Variants in GRM4 observed in about 807,000 individuals in gnomAD.
The protein encoded by GRM4 is glutamate metabotropic receptor 4.
A neutral mutation model predicts 81.7 loss-of-function variants in GRM4; 28 were observed. The observed-to-expected ratio is 0.34, with a 90% CI of 0.25 to 0.47. The LOEUF (loss-of-function observed/expected upper bound fraction) is 0.47, where lower values mean the gene tolerates loss of function less well. Ranked by LOEUF, GRM4 falls within the 20% of genes least tolerant of loss-of-function variation. The pLI is 1.00. For missense variants in GRM4, 948 were observed against 1,290.0 expected (o/e 0.73, Z 4.06); for synonymous variants, 488 against 528.8 (o/e 0.92, Z 1.06).
At chr6:34,041,638 T>C (rs1344199113) in intron 6 of GRM4, among the ~76,000 whole-genome samples, 1 of 152,086 alleles carries the variant, frequency 6.6e-6, no homozygotes, top group East Asian at 1.9e-4. Flanking sequence ...TGAGATAAGG[T>C]ACCGAAAACA....
rs1489411818 is a variant in GRM4, at chr6:34,069,184, ACACACACACACACACACACACG to A, written c.737-7178_737-7157del. Among the ~76,000 whole-genome samples, 46 of 144,568 alleles carry A rather than the reference ACACACACACACACACACACACG, an allele frequency of 3.2e-4. 1 individual carries two copies. Among genetic ancestry groups the A allele is most frequent in the African/African-American group, 1.2e-3 (44 of 36,570 alleles). 94.8% of individuals were successfully genotyped at this position (144,568 alleles called of 152,430 possible). On this transcript the variant is annotated intron_variant, in intron 3 of 10. Transcript: ENST00000538487. The surrounding 1 kb of genome is among the most constrained non-coding windows in gnomAD (Gnocchi z 6.4). Reference sequence around the variant, plus strand: ...TGGGCGTATACACACACACACACACACACACACACACACACACACACGCACGCACACACGGCTCCTTCCTTCT... The same window carrying A: ...TGGGCGTATACACACACACACACACACACGCACACACGGCTCCTTCCTTCT...
chr6:34,038,633 C>G (rs1764834175), intron 8 of GRM4, among the ~76,000 whole-genome samples: 1 of 151,984 alleles, frequency 6.6e-6, no homozygotes, highest in South Asian at 2.1e-4. Context: ...CTGAGCCACT[C>G]ACGGAGAAAG....
chr6:34,087,708 C>CCA (rs1554127495), intron 3 of GRM4, among the ~76,000 whole-genome samples: 3,091 of 137,814 alleles, frequency 0.022, 66 homozygotes, highest in East Asian at 0.029. Flanking sequence ...AACCCCCCCC[C>CCA]CACACACACA....
chr6:34,147,007 G>A (rs1164680224), upstream of GRM4, among the ~76,000 whole-genome samples: 2 of 152,104 alleles, frequency 1.3e-5, no homozygotes, highest in Admixed American at 6.5e-5. Flanking sequence ...ATCTCGTTCA[G>A]CATCATTTGG....
chr6:34,066,155 C>T (rs1310385027), intron 3 of GRM4, among the ~76,000 whole-genome samples: 3 of 152,156 alleles, frequency 2.0e-5, no homozygotes, highest in Non-Finnish European at 1.5e-5. Context: ...TAAAGCTGAA[C>T]GTGCCGGCTG....
chr6:34,110,937 C>A, intron 2 of GRM4: 1 of 989,418 alleles, frequency 1.0e-6, no homozygotes, highest in Non-Finnish European at 1.3e-6. Flanking sequence ...GGAACAGCCT[C>A]TCTCCAGGGG....
chr6:34,149,141 C>A (rs6900891), upstream of GRM4, among the ~76,000 whole-genome samples: 759 of 149,442 alleles, frequency 5.1e-3, 6 homozygotes, highest in African/African-American at 0.017. Flanking sequence ...CAACTCCCCC[C>A]CAACCTTTTG....
rs552159824 is a variant in GRM4, at chr6:34,126,942, C to T, written c.519+6036G>A. Among the ~76,000 whole-genome samples, 45 of 152,304 alleles carry T rather than the reference C, an allele frequency of 3.0e-4. No homozygotes were observed. In the South Asian group the frequency reaches 4.4e-3, roughly 15 times the overall value. The stretch of plus-strand genomic sequence containing the variant: ...AGCCCTAGACAAGACACAAGTGAAT[C>T]GGCATGACTGTGTTCCCATAAACCT... On this transcript the variant is annotated intron_variant, in intron 2 of 10. Transcript: ENST00000538487.
chr6:34,155,530 T>G (rs1771135000), exon 1 of GRM4: 2 of 564,264 alleles, frequency 3.5e-6, no homozygotes, highest in Non-Finnish European at 5.9e-6. Flanking sequence ...AAAATCTGTT[T>G]TTTTGTTTTG....
chr6:34,038,929 A>C (rs77699639), intron 8 of GRM4, among the ~76,000 whole-genome samples: 5,987 of 152,324 alleles, frequency 0.039, 219 homozygotes, highest in African/African-American at 0.088. Flanking sequence ...CTTCACAGCA[A>C]GGGGACGTGC....
At chr6:34,154,423 G>T (rs566587001) in intron 1 of GRM4, among the ~76,000 whole-genome samples, 1 of 152,260 alleles carries the variant, frequency 6.6e-6, no homozygotes, top group South Asian at 2.1e-4. Context: ...CCAGAATTCC[G>T]AGGCATCCCG....
At chr6:34,110,780 C>A in intron 2 of GRM4, 1 of 1,433,770 alleles carries the variant, frequency 7.0e-7, no homozygotes, top group South Asian at 1.5e-5. Flanking sequence ...CAAAGTGGTG[C>A]CCCTCCCTGG....
At chr6:34,138,475 T>A (rs189109214) in intron 1 of GRM4, among the ~76,000 whole-genome samples, 1 of 152,236 alleles carries the variant, frequency 6.6e-6, no homozygotes, top group East Asian at 1.9e-4. Context: ...ATCACCCACA[T>A]CCCACATCTC....
intron 1 of GRM4, among the ~76,000 whole-genome samples, chr6:34,153,709 A>G (rs1237453777): frequency 6.6e-6 from 1 of 152,180 alleles, no homozygotes; most frequent in Non-Finnish European, 1.5e-5. Context: ...AACATGGTGA[A>G]ACCCCGTTTC....
At position 34,096,708 on chromosome 6, in the gene GRM4, G is replaced by T. The variant is rs560337888; in HGVS notation, c.520-4609C>A. On this transcript the variant is annotated intron_variant, in intron 2 of 10. Transcript: ENST00000538487. ...GGTTGTATGGCCCCTGGAGTGACAC[G>T]CAGTGTGCCTGCAGCCACCACCCAG... Among the ~76,000 whole-genome samples, 19 of 152,292 alleles carry T rather than the reference G, an allele frequency of 1.2e-4. No homozygotes were observed. In the South Asian group the frequency reaches 2.9e-3, roughly 23 times the overall value.
chr6:34,102,525 G>A (rs1458648089), intron 2 of GRM4, among the ~76,000 whole-genome samples: 2 of 152,056 alleles, frequency 1.3e-5, no homozygotes, highest in African/African-American at 4.8e-5. Context: ...TCAAGACTTT[G>A]CTCAAATGTC....
upstream of GRM4, among the ~76,000 whole-genome samples, chr6:34,149,730 G>A (rs1002318612): frequency 6.6e-6 from 1 of 152,226 alleles, no homozygotes; most frequent in African/African-American, 2.4e-5. Flanking sequence ...CCTCAGGCCA[G>A]TATGAATCCA....
At chr6:34,072,387 GCACA>G (rs748432311) in intron 3 of GRM4, among the ~76,000 whole-genome samples, 10 of 105,320 alleles carry the variant, frequency 9.5e-5, no homozygotes, top group African/African-American at 2.3e-4. Flanking sequence ...CAGATACACA[GCACA>G]CACACACACA....
chr6:34,143,271 G>A (rs939129499), intron 1 of GRM4, among the ~76,000 whole-genome samples: 5 of 152,174 alleles, frequency 3.3e-5, no homozygotes, highest in Admixed American at 1.3e-4. Context: ...CTGAGCAGAG[G>A]CTTGGAGGCA....
Sources: gnomAD v4.1 joint callset for allele counts (sites outside exome capture counted in the v4.1 genomes callset) on GRCh38, gnomAD v4.1.1 for gene constraint, Gnocchi (gnomAD v3.1) non-coding constraint, MANE v1.5 for transcripts, NCBI Gene and HGNC (gene_info 2026-07-23, HGNC 2026-07-21) for gene names.